SRD5A2: variants seen among roughly 807,000 people sequenced by gnomAD.
The protein encoded by SRD5A2 is steroid 5 alpha-reductase 2.
In SRD5A2, 30 loss-of-function variants were observed where a neutral mutation model predicts 27.4. That is an observed-to-expected ratio of 1.10 (90% CI 0.82 to 1.49). SRD5A2 has a LOEUF of 1.49. SRD5A2 is among the 40% of genes most tolerant of loss of function. The pLI is 0.00. For missense variants in SRD5A2, 348 were observed against 323.4 expected, an observed-to-expected ratio of 1.08 and a Z score of -0.58; for synonymous variants, 141 against 133.6, an observed-to-expected ratio of 1.06 and a Z score of -0.38.
chr2:31,608,887 T>G, the SRD5A2 span, among the ~76,000 whole-genome samples: 1 of 152,110 alleles, frequency 6.6e-6, no homozygotes, highest in East Asian at 1.9e-4. Flanking sequence ...TATGTGGAAG[T>G]TTTAACCTGC....
chr2:31,622,743 G>C, the SRD5A2 span, among the ~76,000 whole-genome samples: 3 of 151,940 alleles, frequency 2.0e-5, no homozygotes, highest in Admixed American at 6.6e-5. Context: ...AACTTTTTTT[G>C]GTATAAGTTT....
At chr2:31,536,099 C>T (rs1376301448) in intron 1 of SRD5A2, among the ~76,000 whole-genome samples, 2 of 152,154 alleles carry the variant, frequency 1.3e-5, no homozygotes, top group Non-Finnish European at 2.9e-5. Flanking sequence ...AGGATTGTTG[C>T]TATTTGTTTC....
chr2:31,569,039 G>A (rs1666796828), intron 1 of SRD5A2, among the ~76,000 whole-genome samples: 3 of 152,308 alleles, frequency 2.0e-5, no homozygotes, highest in Admixed American at 1.3e-4. Context: ...AGAGCACAGG[G>A]AAGCCCGGGT....
At chr2:31,570,859 G>A (rs1483431301) in intron 1 of SRD5A2, among the ~76,000 whole-genome samples, 1 of 152,114 alleles carries the variant, frequency 6.6e-6, no homozygotes, top group Non-Finnish European at 1.5e-5. Flanking sequence ...ACAAAACACT[G>A]CTGAAAGAAA....
At chr2:31,557,123 T>G (rs1170350695) in intron 1 of SRD5A2, among the ~76,000 whole-genome samples, 1 of 152,184 alleles carries the variant, frequency 6.6e-6, no homozygotes, top group African/African-American at 2.4e-5. Context: ...CTCTCTAGCA[T>G]TTTCCTCTAT....
At chr2:31,579,856 G>A (rs966586954) in intron 1 of SRD5A2, among the ~76,000 whole-genome samples, 6 of 152,168 alleles carry the variant, frequency 3.9e-5, no homozygotes, top group African/African-American at 1.4e-4. Context: ...AGAAAGCAAA[G>A]TTCTCCTGAA....
In SRD5A2 at chr2:31,534,878, A is replaced by G. The variant is rs146051357; in HGVS notation, c.282-1112T>C. Among the ~76,000 whole-genome samples the G allele has an allele frequency of 5.6e-3, 859 of 152,194 alleles. 5 individuals carry two copies. Among genetic ancestry groups the G allele is most frequent in the African/African-American group, 0.019 (795 of 41,540 alleles). ...AGGGATGTGAGTCACCATTTTTTTT[A>G]CCTGGATCATATGTGAGTGTTGCCT... On this transcript the variant is annotated intron_variant, in intron 1 of 4. Transcript: ENST00000622030.
the SRD5A2 span, among the ~76,000 whole-genome samples, chr2:31,643,162 A>G: frequency 6.6e-6 from 1 of 152,276 alleles, no homozygotes; most frequent in Middle Eastern, 3.4e-3. Context: ...TGTGCATTTC[A>G]TTATATATGA....
At chr2:31,556,549 G>T (rs543815422) in intron 1 of SRD5A2, among the ~76,000 whole-genome samples, 1 of 152,280 alleles carries the variant, frequency 6.6e-6, no homozygotes, top group South Asian at 2.1e-4. Flanking sequence ...ACCAGGAGAA[G>T]AAAGACACAC....
rs183030963 is a variant in SRD5A2, at chr2:31,525,957, C to T, written c.*239G>A. 3 of 396,314 alleles carry T rather than the reference C, an allele frequency of 7.6e-6. No homozygotes were observed. The highest frequency in any genetic ancestry group is 2.0e-5 in the African/African-American group (1 of 49,322). The allele number at this position is 396,314 out of a possible 1,614,324, so 24.5% of individuals were successfully genotyped here. ...AGAGCAATAGCTAAGAAGCAACTGT[C>T]GCCATTTGGAAAAGTGGCTTTTTGA... is the stretch of plus-strand genomic sequence containing the variant. On this transcript the variant is annotated 3_prime_UTR_variant, in exon 5 of 5. Transcript: ENST00000622030.
chr2:31,645,894 T>C, the SRD5A2 span, among the ~76,000 whole-genome samples: 1 of 152,064 alleles, frequency 6.6e-6, no homozygotes, highest in Non-Finnish European at 1.5e-5. Context: ...TTCACCTGAC[T>C]ACACACACAC....
chr2:31,650,464 C>G, the SRD5A2 span, among the ~76,000 whole-genome samples: 5 of 152,090 alleles, frequency 3.3e-5, no homozygotes, highest in Non-Finnish European at 5.9e-5. Context: ...CAGAGCCTTC[C>G]CTCTTTCCTC....
chr2:31,578,408 CTTGGGCAAGGAAGTTAT>C (rs1667004519), intron 1 of SRD5A2, among the ~76,000 whole-genome samples: 1 of 152,234 alleles, frequency 6.6e-6, no homozygotes, highest in South Asian at 2.1e-4. Context: ...ATTGTGTGAC[CTTGGGCAAGGAAGTTAT>C]TTAACCTTTT....
the SRD5A2 span, among the ~76,000 whole-genome samples, chr2:31,595,718 C>A: frequency 6.6e-6 from 1 of 152,002 alleles, no homozygotes; most frequent in Admixed American, 6.6e-5. Context: ...GCCAGTATTA[C>A]CCTATCACCA....
intron 1 of SRD5A2, among the ~76,000 whole-genome samples, chr2:31,547,252 C>T (rs181029477): frequency 9.9e-5 from 15 of 152,230 alleles, no homozygotes; most frequent in Admixed American, 9.2e-4. Flanking sequence ...TGGATGTGAC[C>T]TTGACTGGAT....
At chr2:31,600,305 G>A in the SRD5A2 span, among the ~76,000 whole-genome samples, 12 of 151,992 alleles carry the variant, frequency 7.9e-5, no homozygotes, top group Middle Eastern at 3.4e-3. Context: ...GAGTGCACAC[G>A]TCTTTACGAT....
At chr2:31,588,930 CT>C in the SRD5A2 span, among the ~76,000 whole-genome samples, 3 of 152,088 alleles carry the variant, frequency 2.0e-5, no homozygotes, top group African/African-American at 7.2e-5. Flanking sequence ...ACACTGTGAG[CT>C]TTTGCTGCAA....
chr2:31,561,730 T>C (rs112113006), intron 1 of SRD5A2, among the ~76,000 whole-genome samples: 15 of 152,204 alleles, frequency 9.9e-5, no homozygotes, highest in Non-Finnish European at 1.5e-4. Context: ...CCCAGAATGA[T>C]AGAAAGAATA....
the SRD5A2 span, among the ~76,000 whole-genome samples, chr2:31,594,522 C>T: frequency 6.6e-6 from 1 of 152,098 alleles, no homozygotes; most frequent in South Asian, 2.1e-4. Flanking sequence ...ATTATATATG[C>T]ACCTAACACT....
Sources: gnomAD v4.1 joint callset for allele counts (sites outside exome capture counted in the v4.1 genomes callset) on GRCh38, gnomAD v4.1.1 for gene constraint, MANE v1.5 for transcripts, NCBI Gene and HGNC (gene_info 2026-07-23, HGNC 2026-07-21) for gene names.